Variants in AGBL3 observed in about 807,000 individuals in gnomAD.
The protein encoded by AGBL3 is cytosolic carboxypeptidase 3.
In AGBL3, 68 loss-of-function variants were observed where a neutral mutation model predicts 94.5. The observed-to-expected ratio is 0.72, with a 90% CI of 0.59 to 0.88. AGBL3 has a LOEUF of 0.88. Among genes scored for constraint, AGBL3 ranks in the 40% least tolerant of loss-of-function variants. The probability of loss-of-function intolerance (pLI) is 0.00; values close to 1 mark genes in which losing one functional copy is unlikely to be tolerated. For synonymous variants in AGBL3, 354 were observed against 370.7 expected (o/e 0.95, Z 0.52); for missense variants, 934 against 1,103.8 (o/e 0.85, Z 2.18).
At position 135,060,124 on chromosome 7, in the gene AGBL3, T is replaced by C. The variant is rs146373859; in HGVS notation, c.1908+889T>C. 7.1e-3 allele frequency among the ~76,000 whole-genome samples: 1,076 copies of C among 152,316 alleles called. 15 individuals carry two copies. Among genetic ancestry groups the C allele is most frequent in the African/African-American group, 0.025 (1,026 of 41,572 alleles). Reference sequence around the variant, plus strand: ...AAGCAATATAATCCCTAACACACACTGTTAATAGTCTACCTCAAAACCTCT... The same window carrying C: ...AAGCAATATAATCCCTAACACACACCGTTAATAGTCTACCTCAAAACCTCT... On this transcript the variant is annotated intron_variant, in intron 12 of 16. Coordinates refer to ENST00000436302, the MANE Select transcript of AGBL3 (RefSeq NM_178563.4).
At chr7:135,069,309 A>C (rs973468947) in intron 12 of AGBL3, among the ~76,000 whole-genome samples, 1 of 152,236 alleles carries the variant, frequency 6.6e-6, no homozygotes, top group Non-Finnish European at 1.5e-5. Flanking sequence ...AACATTAGAC[A>C]GATCAACAAG....
At chr7:134,987,848 A>G in intron 1 of AGBL3, 27 bp from the exon 2 acceptor site, 1 of 975,400 alleles carries the variant, frequency 1.0e-6, no homozygotes, top group Non-Finnish European at 1.5e-6. Flanking sequence ...CAGCTTGAAA[A>G]GAAAAGCTGT....
chr7:135,126,780 G>A (rs572464543), intron 16 of AGBL3, among the ~76,000 whole-genome samples: 15 of 152,280 alleles, frequency 9.9e-5, no homozygotes, highest in Admixed American at 2.6e-4. Context: ...AGGATTCCCT[G>A]TTCAATAAGT....
chr7:135,081,608 C>A, intron 14 of AGBL3, 111 bp from the exon 15 acceptor site: 1 of 601,382 alleles, frequency 1.7e-6, no homozygotes, highest in Non-Finnish European at 2.7e-6. Context: ...AACTAAACTA[C>A]TGTCTACAAG....
chr7:135,034,156 T>C lies in AGBL3; in HGVS notation c.565T>C (p.Tyr189His). ...TTCTTTCTTGTGTATTAGGGCAGAA[T>C]ACGAATACCAATTGACTGTACGCCC... Reference protein sequence around the residue: ...NLQKVVKVAEYEYQLTVRPDL... With the variant: ...NLQKVVKVAEHEYQLTVRPDL... The change falls in exon 7 of 17, where the codon TAC (tyrosine) becomes CAC (histidine). Residue 189 changes from tyrosine to histidine, a missense_variant. Coordinates refer to ENST00000436302, the MANE Select transcript of AGBL3 (RefSeq NM_178563.4). 1 of 1,540,908 alleles carries C rather than the reference T, an allele frequency of 6.5e-7. No homozygotes were observed. Among genetic ancestry groups the C allele is most frequent in the African/African-American group, 1.4e-5 (1 of 72,964 alleles).
intron 10 of AGBL3, 94 bp downstream of exon 10, chr7:135,045,668 C>T: frequency 7.4e-7 from 1 of 1,352,576 alleles, no homozygotes. Context: ...TTTTAATGTC[C>T]CAACAGTGTT....
At chr7:135,128,907 A>C in intron 16 of AGBL3, 1 of 1,466,590 alleles carries the variant, frequency 6.8e-7, no homozygotes. Flanking sequence ...AAAATGCTTT[A>C]ATAGTAATTT....
At chr7:135,088,015 A>C (rs1207580132) in intron 15 of AGBL3, among the ~76,000 whole-genome samples, 1 of 152,066 alleles carries the variant, frequency 6.6e-6, no homozygotes, top group Non-Finnish European at 1.5e-5. Context: ...TGGGGTGCAT[A>C]TGTATTCACA....
chr7:135,021,688 ACAT>A (rs1188570100), intron 5 of AGBL3, among the ~76,000 whole-genome samples: 1 of 148,622 alleles, frequency 6.7e-6, no homozygotes, highest in African/African-American at 2.5e-5. Context: ...CTTCTGGCAT[ACAT>A]GTGCAGAATG....
At chr7:135,017,218 T>G in intron 5 of AGBL3, 59 bp downstream of exon 5, 7 of 1,205,880 alleles carry the variant, frequency 5.8e-6, no homozygotes, top group Non-Finnish European at 8.4e-6. Flanking sequence ...GGTTAATCTC[T>G]TAATTATATT....
chr7:135,128,444 T>C (rs1828260829), intron 16 of AGBL3: 2 of 715,866 alleles, frequency 2.8e-6, no homozygotes, highest in Non-Finnish European at 2.6e-6. Context: ...GAAAATTAAA[T>C]GTCAGAAGAC....
chr7:135,059,195 C>T lies in AGBL3; in HGVS notation c.1868C>T (p.Ser623Phe). 1 of 1,551,156 alleles carries T rather than the reference C, an allele frequency of 6.4e-7. No homozygotes were observed. The highest frequency in any genetic ancestry group is 1.2e-5 in the South Asian group (1 of 83,980). Residue 623 changes from serine (S) to phenylalanine (F), a missense_variant, in exon 12 of 17, where the codon TCC becomes TTC. By Grantham distance (155) the Ser-to-Phe change is radical. Coordinates refer to ENST00000436302, the MANE Select transcript of AGBL3 (RefSeq NM_178563.4). ...AGCCGAGGCTCTGACAGTTCAGAAT[C>T]CATTGACTCTCTGACTTACCTTCTC... ...SSSRGSDSSE[S>F]IDSLTYLLKL...
intron 4 of AGBL3, 112 bp downstream of exon 4, chr7:134,993,790 T>A: frequency 2.3e-6 from 2 of 875,634 alleles, no homozygotes; most frequent in Non-Finnish European, 3.2e-6. Context: ...AACAGAAATA[T>A]AACATGAGCC....
rs530919431 is a variant in AGBL3 at position 134,988,178 on chromosome 7, C to G, written c.63+182C>G. 33 of 437,040 alleles carry G rather than the reference C, an allele frequency of 7.6e-5. No individual in the cohort carries two copies. The South Asian group carries it at 1.6e-3, about 22-fold the overall frequency. 27.1% of individuals were successfully genotyped at this position (437,040 alleles called of 1,614,324 possible). On this transcript the variant is annotated intron_variant, in intron 2 of 16. Coordinates refer to ENST00000436302, the MANE Select transcript of AGBL3 (RefSeq NM_178563.4). ...TATCACTGGGAACACTATGCCCTGTCTAGAAAGAGAAACTATATTTGTATT... is the reference window on the plus strand; with the variant it reads ...TATCACTGGGAACACTATGCCCTGTGTAGAAAGAGAAACTATATTTGTATT...
Position 135,111,673 on chromosome 7 carries a change from T to G in AGBL3, c.2111-3707T>G, listed in dbSNP as rs142973335. Among the ~76,000 whole-genome samples the G allele has an allele frequency of 2.5e-3, 376 of 152,308 alleles. 2 individuals carry two copies. The highest frequency in any genetic ancestry group is 4.1e-3 in the Admixed American group (62 of 15,294). On this transcript the variant is annotated intron_variant, in intron 15 of 16. Coordinates refer to ENST00000436302, the MANE Select transcript of AGBL3 (RefSeq NM_178563.4). The stretch of plus-strand genomic sequence containing the variant: ...TGACACTACTCTCTCCTGGTTTTAC[T>G]CCTGTTTCTCTAGCCATTCATGAAA...
chr7:135,047,678 A>G (rs1000111070), intron 11 of AGBL3, among the ~76,000 whole-genome samples: 5 of 152,022 alleles, frequency 3.3e-5, no homozygotes, highest in African/African-American at 1.2e-4. Context: ...TTGTAGAAAT[A>G]TCTATTCAAG....
intron 4 of AGBL3, among the ~76,000 whole-genome samples, chr7:135,016,168 A>T (rs1383717259): frequency 6.6e-6 from 1 of 152,232 alleles, no homozygotes; most frequent in Non-Finnish European, 1.5e-5. Flanking sequence ...AAGACTTTCA[A>T]CTAATGAGAT....
At chr7:135,062,804 G>C (rs1818958807) in intron 12 of AGBL3, among the ~76,000 whole-genome samples, 1 of 152,024 alleles carries the variant, frequency 6.6e-6, no homozygotes. Flanking sequence ...GCTTCTCAGG[G>C]ATATTGGTCT....
At chr7:135,021,419 G>A (rs1409128367) in intron 5 of AGBL3, among the ~76,000 whole-genome samples, 1 of 151,460 alleles carries the variant, frequency 6.6e-6, no homozygotes, top group East Asian at 1.9e-4. Context: ...AGCCTCCCGA[G>A]TAGCTGGGAC....
Sources: gnomAD v4.1 joint callset for allele counts (sites outside exome capture counted in the v4.1 genomes callset) on GRCh38, gnomAD v4.1.1 for gene constraint, MANE v1.5 for transcripts, NCBI Gene and HGNC (gene_info 2026-07-23, HGNC 2026-07-21) for gene names.